The following PPM1L variants were observed in gnomAD, a reference collection of about 807,000 sequenced individuals.
PPM1L encodes the protein protein phosphatase, Mg2+/Mn2+ dependent 1L.
Under a neutral mutation model 31.4 loss-of-function variants are expected in PPM1L, and 13 were observed. The ratio of observed to expected loss-of-function variants is 0.41; its 90% CI spans 0.27 to 0.66. PPM1L has a LOEUF of 0.66. Among genes scored for constraint, PPM1L ranks in the 30% least tolerant of loss-of-function variants. PPM1L has a pLI of 0.29. For synonymous variants in PPM1L, 184 were observed against 175.4 expected, an observed-to-expected ratio of 1.05 and a Z score of -0.39; for missense variants, 326 against 453.7, an observed-to-expected ratio of 0.72 and a Z score of 2.56.
chr3:160,980,542 C>T (rs952780061), intron 2 of PPM1L, among the ~76,000 whole-genome samples: 2 of 151,798 alleles, frequency 1.3e-5, no homozygotes, highest in African/African-American at 4.8e-5. Flanking sequence ...GTGGCATGCA[C>T]CTGTAGTCCC....
intron 1 of PPM1L, among the ~76,000 whole-genome samples, chr3:160,883,342 T>C (rs1401571994): frequency 6.6e-6 from 1 of 152,188 alleles, no homozygotes; most frequent in Admixed American, 6.5e-5. Flanking sequence ...ATATGTGATA[T>C]CCTGTGTCTT....
intron 1 of PPM1L, among the ~76,000 whole-genome samples, chr3:160,959,981 A>T (rs1715900474): frequency 1.3e-5 from 2 of 152,234 alleles, no homozygotes. Flanking sequence ...TATATGTTGT[A>T]GGATATACTG....
chr3:160,959,072 A>T (rs1715871569), intron 1 of PPM1L, among the ~76,000 whole-genome samples: 1 of 152,242 alleles, frequency 6.6e-6, no homozygotes, highest in Admixed American at 6.5e-5. Flanking sequence ...CAACAAGTGG[A>T]TAAAGAAAAT....
At chr3:160,798,345 G>T (rs763387629) in intron 1 of PPM1L, among the ~76,000 whole-genome samples, 2 of 152,232 alleles carry the variant, frequency 1.3e-5, no homozygotes, top group Non-Finnish European at 2.9e-5. Context: ...CGTAGGTAGA[G>T]AGAAGTAGTC....
At chr3:160,849,592 T>C (rs1335672873) in intron 1 of PPM1L, among the ~76,000 whole-genome samples, 2 of 148,890 alleles carry the variant, frequency 1.3e-5, no homozygotes, top group Non-Finnish European at 3.0e-5. Context: ...GGCTAATTTT[T>C]TTTTTGTATT....
intron 1 of PPM1L, among the ~76,000 whole-genome samples, chr3:160,781,027 C>G (rs1262343041): frequency 6.6e-6 from 1 of 152,144 alleles, no homozygotes; most frequent in East Asian, 1.9e-4. Flanking sequence ...CATTTAGCAA[C>G]TCTGTTTCCC....
chr3:160,817,483 A>G (rs1713032381), intron 1 of PPM1L, among the ~76,000 whole-genome samples: 1 of 152,142 alleles, frequency 6.6e-6, no homozygotes, highest in Admixed American at 6.6e-5. Context: ...ATGATTACCA[A>G]CATCTGAATT....
chr3:160,854,361 G>A (rs1347403338), intron 1 of PPM1L, among the ~76,000 whole-genome samples: 1 of 152,150 alleles, frequency 6.6e-6, no homozygotes, highest in Non-Finnish European at 1.5e-5. Flanking sequence ...AAAGATGGTG[G>A]AATGTATAAG....
rs80140121 is a variant in PPM1L at position 160,878,906 on chromosome 3, T to C, written c.400-82830T>C. Among the ~76,000 whole-genome samples, 131 of 152,338 alleles carry C rather than the reference T, an allele frequency of 8.6e-4. 1 individual carries two copies. In the East Asian group the frequency reaches 0.024, roughly 28 times the overall value. On this transcript the variant is annotated intron_variant, in intron 1 of 3. Coordinates refer to ENST00000498165, the MANE Select transcript of PPM1L (RefSeq NM_139245.4). ...ACACATTTCATTTATTTATGCCTGA[T>C]TGAAGAATGTCCCTGTTGTTAGGTC... is the stretch of plus-strand genomic sequence containing the variant.
At chr3:160,764,969 G>A (rs1715069064) in intron 1 of PPM1L, among the ~76,000 whole-genome samples, 1 of 152,078 alleles carries the variant, frequency 6.6e-6, no homozygotes, top group South Asian at 2.1e-4. Flanking sequence ...TCTAGGGTGG[G>A]TTTCCAGAAG....
At chr3:161,056,678 G>A (rs1719421918) in intron 2 of PPM1L, among the ~76,000 whole-genome samples, 1 of 152,014 alleles carries the variant, frequency 6.6e-6, no homozygotes, top group African/African-American at 2.4e-5. Context: ...GGTATAAATT[G>A]AAAAGCACCT....
intron 2 of PPM1L, among the ~76,000 whole-genome samples, chr3:161,006,813 G>C (rs987431316): frequency 4.6e-5 from 7 of 151,304 alleles, no homozygotes; most frequent in African/African-American, 1.7e-4. Context: ...CTCCTGAGTA[G>C]CTGGGACCAC....
intron 2 of PPM1L, among the ~76,000 whole-genome samples, chr3:161,037,707 C>T (rs1718787410): frequency 6.7e-6 from 1 of 149,646 alleles, no homozygotes; most frequent in South Asian, 2.2e-4. Context: ...GCTGGGATTA[C>T]GGGCGTGAGC....
chr3:160,805,671 G>A (rs1281082246), intron 1 of PPM1L, among the ~76,000 whole-genome samples: 2 of 152,108 alleles, frequency 1.3e-5, no homozygotes, highest in African/African-American at 2.4e-5. Flanking sequence ...GCAGTGAGCC[G>A]AGATCATGCC....
rs538067606 is a variant in PPM1L, at chr3:160,991,690, C to T, written c.574+29780C>T. ...CCCTGGGCCTTAACTGTATTCCTAA[C>T]GACTGTGGCCTAAGAAAAAGACCCA... On this transcript the variant is annotated intron_variant, in intron 2 of 3. Coordinates refer to ENST00000498165, the MANE Select transcript of PPM1L (RefSeq NM_139245.4). Among the ~76,000 whole-genome samples the T allele has an allele frequency of 1.3e-4, 20 of 152,222 alleles. No individual in the cohort carries two copies. In the South Asian group the frequency reaches 2.1e-3, roughly 16 times the overall value.
At chr3:160,803,354 T>G (rs1478309651) in intron 1 of PPM1L, among the ~76,000 whole-genome samples, 2 of 152,212 alleles carry the variant, frequency 1.3e-5, no homozygotes, top group East Asian at 3.8e-4. Context: ...AATTAAGAAA[T>G]GTCATATTTT....
chr3:160,957,577 C>CTTTTTT (rs35644904), intron 1 of PPM1L, among the ~76,000 whole-genome samples: 6 of 129,208 alleles, frequency 4.6e-5, no homozygotes, highest in Non-Finnish European at 8.1e-5. Context: ...TATTATTTGA[C>CTTTTTT]TTTTTTTTTT....
In PPM1L at chr3:160,983,182, C is replaced by T. The variant is rs142717337; in HGVS notation, c.574+21272C>T. Among the ~76,000 whole-genome samples the T allele has an allele frequency of 6.0e-4, 92 of 152,296 alleles. 1 individual carries two copies. The East Asian group carries it at 0.016, about 27-fold the overall frequency. On this transcript the variant is annotated intron_variant, in intron 2 of 3. Coordinates refer to ENST00000498165, the MANE Select transcript of PPM1L (RefSeq NM_139245.4). The stretch of plus-strand genomic sequence containing the variant: ...CTGTAGGCCTTGCATTTTAAAATCA[C>T]ACCTGAAAGTGTTATGAGCCTGATA...
chr3:160,987,673 G>A (rs1717008010), intron 2 of PPM1L, among the ~76,000 whole-genome samples: 1 of 152,210 alleles, frequency 6.6e-6, no homozygotes, highest in Non-Finnish European at 1.5e-5. Flanking sequence ...GGGCTCTCAA[G>A]TTTGAAGCTT....
Sources: gnomAD v4.1 joint callset for allele counts (sites outside exome capture counted in the v4.1 genomes callset) on GRCh38, gnomAD v4.1.1 for gene constraint, MANE v1.5 for transcripts, NCBI Gene and HGNC (gene_info 2026-07-23, HGNC 2026-07-21) for gene names.